The following NCAM2 variants were observed in gnomAD, a reference collection of about 807,000 sequenced individuals.
The protein encoded by NCAM2 is neural cell adhesion molecule 2.
NCAM2 carries 30 observed loss-of-function variants against 98.1 expected under a neutral mutation model. The ratio of observed to expected loss-of-function variants is 0.31; its 90% CI spans 0.23 to 0.41. The LOEUF (loss-of-function observed/expected upper bound fraction) is 0.41, where lower values mean the gene tolerates loss of function less well. Among genes scored for constraint, NCAM2 ranks in the 10% least tolerant of loss-of-function variants. The pLI is 1.00. For missense variants in NCAM2, 867 were observed against 1,005.8 expected (o/e 0.86, Z 1.87); for synonymous variants, 368 against 342.4 (o/e 1.07, Z -0.83).
At chr21:21,500,664 C>T (rs1212045981) in intron 15 of NCAM2, among the ~76,000 whole-genome samples, 3 of 151,772 alleles carry the variant, frequency 2.0e-5, no homozygotes, top group Non-Finnish European at 2.9e-5. Context: ...ATAAAGAAAA[C>T]ATTTATACAT....
intron 1 of NCAM2, among the ~76,000 whole-genome samples, chr21:21,229,075 G>A (rs1385085735): frequency 6.6e-6 from 1 of 151,296 alleles, no homozygotes; most frequent in Non-Finnish European, 1.5e-5. Flanking sequence ...TAATAATGGT[G>A]GACATTTTCT....
chr21:21,253,426 G>A (rs1294729529), intron 1 of NCAM2, among the ~76,000 whole-genome samples: 1 of 152,054 alleles, frequency 6.6e-6, no homozygotes, highest in East Asian at 1.9e-4. Context: ...CCTTTGGGAG[G>A]TGATTAGGTC....
chr21:21,478,518 AGTT>A (rs1353101672), intron 15 of NCAM2, among the ~76,000 whole-genome samples: 1 of 151,992 alleles, frequency 6.6e-6, no homozygotes, highest in Non-Finnish European at 1.5e-5. Context: ...ATCATACATC[AGTT>A]GTTTAGTAAT....
chr21:21,531,786 A>ATGGG (rs1989708431), intron 16 of NCAM2, among the ~76,000 whole-genome samples: 1 of 150,534 alleles, frequency 6.6e-6, no homozygotes, highest in African/African-American at 2.4e-5. Context: ...GGAGACCATC[A>ATGGG]TGGCTAACGC....
rs145850130 is a variant in NCAM2 at position 21,360,218 on chromosome 21, G to C, written c.1045-13645G>C. On this transcript the variant is annotated intron_variant, in intron 8 of 17. Transcript: ENST00000400546. ...TTGCCTTAACACAGAAGTTGCAATG[G>C]ATTCATTTCTCTTGACTCAGGGATT... Among the ~76,000 whole-genome samples the C allele has an allele frequency of 3.5e-3, 535 of 151,916 alleles. 4 individuals carry two copies. The highest frequency in any genetic ancestry group is 0.012 in the African/African-American group (511 of 41,526).
chr21:21,216,487 G>A (rs1405646160), intron 1 of NCAM2, among the ~76,000 whole-genome samples: 5 of 152,304 alleles, frequency 3.3e-5, no homozygotes, highest in African/African-American at 1.2e-4. Context: ...GGAAGGACAT[G>A]ACCTAGATAT....
chr21:21,036,418 T>C (rs1386628740), intron 1 of NCAM2, among the ~76,000 whole-genome samples: 1 of 152,204 alleles, frequency 6.6e-6, no homozygotes, highest in African/African-American at 2.4e-5. Flanking sequence ...TTATCTCTTA[T>C]GACACCAAAA....
At chr21:21,060,728 A>G (rs1040120353) in intron 1 of NCAM2, among the ~76,000 whole-genome samples, 1 of 152,122 alleles carries the variant, frequency 6.6e-6, no homozygotes, top group Non-Finnish European at 1.5e-5. Flanking sequence ...TTACCCACAC[A>G]TATAGTTTTA....
intron 5 of NCAM2, among the ~76,000 whole-genome samples, chr21:21,313,225 C>A (rs1047255330): frequency 6.6e-6 from 1 of 151,390 alleles, no homozygotes; most frequent in Non-Finnish European, 1.5e-5. Flanking sequence ...CATTATTATC[C>A]TTTTATTTTA....
Position 21,366,353 on chromosome 21 carries a change from A to G in NCAM2, c.1045-7510A>G, listed in dbSNP as rs760153404. ...GTCTGTAATTTGAACTAGATTAACT[A>G]TACTGCTTAGGCACTGGGTACTAAT... On this transcript the variant is annotated intron_variant, in intron 8 of 17. Coordinates refer to ENST00000400546, the MANE Select transcript of NCAM2 (RefSeq NM_004540.5). Among the ~76,000 whole-genome samples, 41 of 152,200 alleles carry G rather than the reference A, an allele frequency of 2.7e-4. No individual in the cohort carries two copies. The Middle Eastern group carries it at 0.01, about 38-fold the overall frequency.
At chr21:21,350,851 G>T (rs1476902773) in intron 8 of NCAM2, among the ~76,000 whole-genome samples, 1 of 151,388 alleles carries the variant, frequency 6.6e-6, no homozygotes, top group Non-Finnish European at 1.5e-5. Context: ...ACTTTGGGAG[G>T]CCGAGGCAGG....
At chr21:21,346,634 A>G (rs1020010686) in intron 8 of NCAM2, among the ~76,000 whole-genome samples, 7 of 152,080 alleles carry the variant, frequency 4.6e-5, no homozygotes, top group Admixed American at 3.9e-4. Flanking sequence ...ATACTATGTT[A>G]CAAAGCAAAT....
chr21:21,078,333 G>T (rs568391936), intron 1 of NCAM2, among the ~76,000 whole-genome samples: 27 of 152,300 alleles, frequency 1.8e-4, no homozygotes, highest in Admixed American at 1.7e-3. Context: ...ATCCTGCTTT[G>T]TGCAGATGTA....
At chr21:21,514,695 A>T (rs117865025) in intron 16 of NCAM2, among the ~76,000 whole-genome samples, 1 of 152,130 alleles carries the variant, frequency 6.6e-6, no homozygotes, top group Non-Finnish European at 1.5e-5. Context: ...CTTTTCAGTT[A>T]GTATTTTTTA....
At chr21:21,390,135 A>G (rs894542841) in intron 9 of NCAM2, among the ~76,000 whole-genome samples, 2 of 152,128 alleles carry the variant, frequency 1.3e-5, no homozygotes, top group African/African-American at 4.8e-5. Flanking sequence ...GGTGCGAGCC[A>G]CCGCGCCACC....
intron 1 of NCAM2, among the ~76,000 whole-genome samples, chr21:21,021,671 T>A (rs2064440084): frequency 6.6e-6 from 1 of 152,188 alleles, no homozygotes; most frequent in African/African-American, 2.4e-5. Context: ...TATTCATTTA[T>A]CCCAATTTAT....
intron 13 of NCAM2, among the ~76,000 whole-genome samples, chr21:21,467,428 T>TATATATATATATATCTTTATATATATATA (rs1555902035): frequency 7.1e-6 from 1 of 140,728 alleles, no homozygotes; most frequent in African/African-American, 2.8e-5. Context: ...ATATATCTTT[T>TATATATATATATATCTTTATATATATATA]TATATATATA....
chr21:21,444,094 G>T (rs776684692), intron 12 of NCAM2, among the ~76,000 whole-genome samples: 1 of 151,944 alleles, frequency 6.6e-6, no homozygotes, highest in Non-Finnish European at 1.5e-5. Context: ...TGAGATTATC[G>T]TGGTTTTTGT....
intron 14 of NCAM2, among the ~76,000 whole-genome samples, chr21:21,473,716 G>A (rs1984781443): frequency 6.6e-6 from 1 of 151,808 alleles, no homozygotes; most frequent in South Asian, 2.1e-4. Context: ...TCAGTAAACT[G>A]TTTCTTGTTA....
Sources: allele counts gnomAD v4.1 joint callset (sites outside exome capture counted in the v4.1 genomes callset), GRCh38; gene constraint gnomAD v4.1.1; transcripts MANE v1.5; gene names NCBI Gene and HGNC (gene_info 2026-07-23, HGNC 2026-07-21).